Variants in UBE2E3 observed in about 807,000 individuals in gnomAD.
The protein encoded by UBE2E3 is ubiquitin-conjugating enzyme E2 E3.
A neutral mutation model predicts 23.6 loss-of-function variants in UBE2E3; 5 were observed. That is an observed-to-expected ratio of 0.21 (90% CI 0.11 to 0.44). UBE2E3 has a LOEUF of 0.44. Among genes scored for constraint, UBE2E3 ranks in the 20% least tolerant of loss-of-function variants. The probability of loss-of-function intolerance (pLI) is 0.99; values close to 1 mark genes in which losing one functional copy is unlikely to be tolerated. For missense variants in UBE2E3, 81 were observed against 249.8 expected (o/e 0.32, Z 4.55); for synonymous variants, 78 against 87.5 (o/e 0.89, Z 0.60).
At chr2:181,055,270 G>A (rs1289531528) in intron 3 of UBE2E3, among the ~76,000 whole-genome samples, 1 of 151,674 alleles carries the variant, frequency 6.6e-6, no homozygotes, top group African/African-American at 2.4e-5. Context: ...AATAAAGTTG[G>A]GAGAAAGGGC....
At chr2:181,022,373 G>A (rs1296756156) in intron 3 of UBE2E3, among the ~76,000 whole-genome samples, 1 of 151,452 alleles carries the variant, frequency 6.6e-6, no homozygotes, top group African/African-American at 2.4e-5. Context: ...GTCAAACACC[G>A]AATTAGCGAA....
intron 3 of UBE2E3, among the ~76,000 whole-genome samples, chr2:181,031,997 T>A (rs890137621): frequency 2.0e-5 from 3 of 152,084 alleles, no homozygotes; most frequent in Non-Finnish European, 4.4e-5. Context: ...GTTCTTACAA[T>A]CTAAGAGTAT....
At chr2:180,984,929 G>C (rs1348425628) in intron 3 of UBE2E3, among the ~76,000 whole-genome samples, 1 of 152,050 alleles carries the variant, frequency 6.6e-6, no homozygotes, top group Non-Finnish European at 1.5e-5. Context: ...TTTGTGAAGA[G>C]ATATGTGCTC....
intron 3 of UBE2E3, among the ~76,000 whole-genome samples, chr2:181,010,255 T>A (rs1685280087): frequency 6.6e-6 from 1 of 152,200 alleles, no homozygotes; most frequent in South Asian, 2.1e-4. Context: ...TCAGTAGGCT[T>A]AATTTCAGGT....
intron 3 of UBE2E3, among the ~76,000 whole-genome samples, chr2:180,997,317 CTTTCA>C (rs1214755433): frequency 6.6e-6 from 1 of 151,608 alleles, no homozygotes; most frequent in Non-Finnish European, 1.5e-5. Context: ...GGCTTTTCCT[CTTTCA>C]TTTTATTTTA....
intron 3 of UBE2E3, among the ~76,000 whole-genome samples, chr2:180,989,560 C>G (rs1358944570): frequency 6.6e-6 from 1 of 152,060 alleles, no homozygotes; most frequent in Non-Finnish European, 1.5e-5. Flanking sequence ...CACAGTAGGC[C>G]TAGTTATTTC....
intron 3 of UBE2E3, among the ~76,000 whole-genome samples, chr2:181,020,209 G>A (rs1574189065): frequency 6.6e-6 from 1 of 151,860 alleles, no homozygotes; most frequent in Admixed American, 6.6e-5. Context: ...TGTGGACAGG[G>A]CCGTGCTCCC....
intron 3 of UBE2E3, among the ~76,000 whole-genome samples, chr2:181,015,003 C>T (rs1395387718): frequency 6.6e-6 from 1 of 152,088 alleles, no homozygotes; most frequent in African/African-American, 2.4e-5. Flanking sequence ...GATGAAGCAG[C>T]CCTTAAGATG....
At chr2:180,988,304 T>G (rs941473843) in intron 3 of UBE2E3, among the ~76,000 whole-genome samples, 35 of 152,250 alleles carry the variant, frequency 2.3e-4, no homozygotes, top group African/African-American at 7.9e-4. Flanking sequence ...ACCAGATAAT[T>G]GAGTACAAGT....
chr2:180,981,067 G>C (rs182176972), intron 1 of UBE2E3, 94 bp downstream of exon 1: 2 of 146,498 alleles, frequency 1.4e-5, no homozygotes, highest in Non-Finnish European at 3.0e-5. Flanking sequence ...TGTTCGCGCC[G>C]GGCGCCCGCG....
intron 3 of UBE2E3, among the ~76,000 whole-genome samples, chr2:181,021,508 CTTCT>C (rs537259410): frequency 3.1e-3 from 413 of 133,558 alleles, no homozygotes; most frequent in Non-Finnish European, 5.1e-3. Context: ...CTTTCCTTTC[CTTCT>C]TTCTTTTATT....
intron 3 of UBE2E3, among the ~76,000 whole-genome samples, chr2:181,055,424 G>C (rs1018984222): frequency 4.0e-5 from 6 of 151,588 alleles, no homozygotes; most frequent in African/African-American, 7.3e-5. Flanking sequence ...CCCTGCAACT[G>C]CTCATGTCCC....
chr2:181,062,786 TC>T lies in UBE2E3; in HGVS notation c.527-3del. On this transcript the variant is annotated splice_polypyrimidine_tract_variant and splice_region_variant and intron_variant, in intron 5 of 5. Transcript: ENST00000410062. Reference sequence around the variant, plus strand: ...TAGCTTTTAATGTTCTTTCTGCTTTTCCAGCGGATCCTCTGGTTGGAAGCAT... The same window carrying T: ...TAGCTTTTAATGTTCTTTCTGCTTTTCAGCGGATCCTCTGGTTGGAAGCAT... The T allele has an allele frequency of 6.3e-7, 1 of 1,587,440 alleles. No homozygotes were observed. The highest frequency in any genetic ancestry group is 8.6e-7 in the Non-Finnish European group (1 of 1,161,076).
chr2:181,026,078 T>G (rs1245002044), intron 3 of UBE2E3, among the ~76,000 whole-genome samples: 1 of 151,908 alleles, frequency 6.6e-6, no homozygotes, highest in Admixed American at 6.6e-5. Flanking sequence ...ACAGTAGATT[T>G]GGGGAGGCTT....
intron 3 of UBE2E3, among the ~76,000 whole-genome samples, chr2:181,022,033 T>C (rs967396717): frequency 6.6e-6 from 1 of 152,188 alleles, no homozygotes; most frequent in African/African-American, 2.4e-5. Context: ...AAAATAATAA[T>C]GTACGTTAAC....
chr2:181,027,006 A>G (rs1339161854), intron 3 of UBE2E3, among the ~76,000 whole-genome samples: 1 of 151,920 alleles, frequency 6.6e-6, no homozygotes, highest in Non-Finnish European at 1.5e-5. Context: ...GAAGGTAATT[A>G]TTAGTAAAAA....
rs536574727 is a variant in UBE2E3, at chr2:181,055,673, T to C, written c.246-2020T>C. Among the ~76,000 whole-genome samples the C allele has an allele frequency of 9.1e-4, 128 of 141,174 alleles. 1 individual carries two copies. The highest frequency in any genetic ancestry group is 2.7e-3 in the Admixed American group (39 of 14,550). The allele number at this position is 141,174 out of a possible 152,430, so 92.6% of individuals were successfully genotyped here. ...GGAAAAGTTATTTACTATCCTGCAATAGTTAAATGTACACTTTGTCCTATA... is the reference window on the plus strand; with the variant it reads ...GGAAAAGTTATTTACTATCCTGCAACAGTTAAATGTACACTTTGTCCTATA... On this transcript the variant is annotated intron_variant, in intron 3 of 5. Coordinates refer to ENST00000410062, the MANE Select transcript of UBE2E3 (RefSeq NM_006357.4).
chr2:181,033,380 T>C (rs904693496), intron 3 of UBE2E3, among the ~76,000 whole-genome samples: 3 of 151,942 alleles, frequency 2.0e-5, no homozygotes, highest in Non-Finnish European at 4.4e-5. Context: ...ATACCACACA[T>C]CTACAACTAT....
chr2:181,030,704 G>C (rs1449573609), intron 3 of UBE2E3, among the ~76,000 whole-genome samples: 1 of 151,688 alleles, frequency 6.6e-6, no homozygotes, highest in Non-Finnish European at 1.5e-5. Flanking sequence ...TTTGTATTTG[G>C]GATAAGGTGG....
Sources: gnomAD v4.1 joint callset for allele counts (sites outside exome capture counted in the v4.1 genomes callset) on GRCh38, gnomAD v4.1.1 for gene constraint, MANE v1.5 for transcripts, NCBI Gene and HGNC (gene_info 2026-07-23, HGNC 2026-07-21) for gene names.